SHROOM3: variants seen among roughly 807,000 people sequenced by gnomAD.
The protein encoded by SHROOM3 is protein Shroom3.
Under a neutral mutation model 138.6 loss-of-function variants are expected in SHROOM3, and 47 were observed. The observed-to-expected ratio is 0.34, with a 90% confidence interval of 0.27 to 0.43. SHROOM3 has a LOEUF of 0.43. Among genes scored for constraint, SHROOM3 ranks in the 20% least tolerant of loss-of-function variants. SHROOM3 has a pLI of 1.00. For synonymous variants in SHROOM3, 1,062 were observed against 1,063.3 expected (o/e 1.00, Z 0.02); for missense variants, 2,491 against 2,596.5 (o/e 0.96, Z 0.88).
At chr4:76,639,702 T>C (rs572111607) in intron 2 of SHROOM3, 2 of 398,116 alleles carry the variant, frequency 5.0e-6, no homozygotes, top group Admixed American at 8.8e-5. Context: ...GGTAAAGTTT[T>C]CTGGGGAGAA....
chr4:76,757,943 G>A (rs1233911154), intron 8 of SHROOM3: 1 of 152,154 alleles, frequency 6.6e-6, no homozygotes, highest in Admixed American at 6.5e-5. Context: ...CCAAATTTGG[G>A]ATTGCATTTT....
At chr4:76,764,596 AC>A (rs1198473695) in intron 9 of SHROOM3, among the ~76,000 whole-genome samples, 1 of 151,996 alleles carries the variant, frequency 6.6e-6, no homozygotes, top group Non-Finnish European at 1.5e-5. Flanking sequence ...TTCCACTGTC[AC>A]CCTTGAAGGG....
intron 6 of SHROOM3, among the ~76,000 whole-genome samples, chr4:76,751,959 A>T (rs1028341417): frequency 5.3e-5 from 8 of 152,340 alleles, no homozygotes; most frequent in African/African-American, 1.9e-4. Context: ...ACTTCAGAGT[A>T]TGTGTCCAAA....
intron 1 of SHROOM3, among the ~76,000 whole-genome samples, chr4:76,490,102 G>A (rs1370259220): frequency 6.6e-6 from 1 of 152,158 alleles, no homozygotes; most frequent in Non-Finnish European, 1.5e-5. Flanking sequence ...ATTGGTTACA[G>A]AAAGCCAACC....
At chr4:76,522,868 C>A (rs192061900) in intron 1 of SHROOM3, among the ~76,000 whole-genome samples, 3 of 152,176 alleles carry the variant, frequency 2.0e-5, no homozygotes, top group East Asian at 1.9e-4. Flanking sequence ...ATTAACATAT[C>A]TTTTATATTT....
intron 3 of SHROOM3, among the ~76,000 whole-genome samples, chr4:76,720,151 GTTTTTTTTTTTTTT>G: frequency 1.2e-5 from 1 of 83,016 alleles, no homozygotes; most frequent in South Asian, 5.3e-4. Context: ...TGTTTTTTAG[GTTTTTTTTTTTTTT>G]TTTTTTTTTT....
intron 2 of SHROOM3, among the ~76,000 whole-genome samples, chr4:76,629,674 A>G (rs1320782100): frequency 6.6e-6 from 1 of 152,170 alleles, no homozygotes; most frequent in Non-Finnish European, 1.5e-5. Context: ...GAAGGTCGAA[A>G]CAACAGTATC....
intron 2 of SHROOM3, among the ~76,000 whole-genome samples, chr4:76,673,926 G>A (rs926079217): frequency 1.3e-5 from 2 of 152,186 alleles, no homozygotes; most frequent in African/African-American, 4.8e-5. Context: ...AAGCTAGACT[G>A]CAGTGGCGCA....
intron 2 of SHROOM3, among the ~76,000 whole-genome samples, chr4:76,653,485 A>G (rs758309325): frequency 6.6e-6 from 1 of 151,760 alleles, no homozygotes; most frequent in Non-Finnish European, 1.5e-5. Context: ...GATACATGAC[A>G]TATGGTATGA....
At chr4:76,688,082 C>T (rs1577974226) in intron 2 of SHROOM3, among the ~76,000 whole-genome samples, 1 of 152,228 alleles carries the variant, frequency 6.6e-6, no homozygotes, top group African/African-American at 2.4e-5. Context: ...CTCCCCCAAA[C>T]AAGATTGCCA....
At chr4:76,500,731 G>A (rs1001339064) in intron 1 of SHROOM3, among the ~76,000 whole-genome samples, 9 of 151,976 alleles carry the variant, frequency 5.9e-5, no homozygotes, top group East Asian at 1.9e-4. Context: ...CTTTTCGTGC[G>A]TTCATTGGCC....
intron 2 of SHROOM3, among the ~76,000 whole-genome samples, chr4:76,648,085 T>C (rs1418932032): frequency 6.6e-6 from 1 of 152,038 alleles, no homozygotes; most frequent in East Asian, 1.9e-4. Flanking sequence ...CCCAGCACTT[T>C]GGGAGGCTAA....
chr4:76,524,999 A>T (rs989813342), intron 1 of SHROOM3, among the ~76,000 whole-genome samples: 2 of 152,208 alleles, frequency 1.3e-5, no homozygotes, highest in African/African-American at 4.8e-5. Context: ...TTTTGAAAGA[A>T]ACTACCAAAC....
chr4:76,726,389 G>A (rs1226256884), intron 3 of SHROOM3, among the ~76,000 whole-genome samples: 1 of 151,700 alleles, frequency 6.6e-6, no homozygotes, highest in Non-Finnish European at 1.5e-5. Flanking sequence ...CCTGTGTTTT[G>A]TGACTTGTAA....
At chr4:76,452,109 T>A (rs940605464) in intron 1 of SHROOM3, among the ~76,000 whole-genome samples, 2 of 152,196 alleles carry the variant, frequency 1.3e-5, no homozygotes, top group Non-Finnish European at 2.9e-5. Flanking sequence ...CAAAATTAGG[T>A]CAGATGAATA....
chr4:76,512,870 T>C (rs187856434), intron 1 of SHROOM3, among the ~76,000 whole-genome samples: 3 of 152,320 alleles, frequency 2.0e-5, no homozygotes, highest in East Asian at 3.9e-4. Context: ...AAATGGTTAA[T>C]GTTTTGCTGA....
chr4:76,510,638 G>A (rs931639164), intron 1 of SHROOM3, among the ~76,000 whole-genome samples: 3 of 152,128 alleles, frequency 2.0e-5, no homozygotes, highest in Non-Finnish European at 4.4e-5. Flanking sequence ...ACAATCCCCT[G>A]GAAATGTTTC....
intron 4 of SHROOM3, among the ~76,000 whole-genome samples, chr4:76,736,304 G>A (rs1322007496): frequency 6.6e-6 from 1 of 152,090 alleles, no homozygotes; most frequent in Non-Finnish European, 1.5e-5. Context: ...TGGCTGGCTT[G>A]GGAGCTATTT....
At chr4:76,708,081 G>C (rs1485813007) in intron 2 of SHROOM3, among the ~76,000 whole-genome samples, 1 of 152,194 alleles carries the variant, frequency 6.6e-6, no homozygotes, top group Non-Finnish European at 1.5e-5. Context: ...ACACCCAGTT[G>C]CTAATTTCAG....
Sources: gnomAD v4.1 joint callset for allele counts (sites outside exome capture counted in the v4.1 genomes callset) on GRCh38, gnomAD v4.1.1 for gene constraint, MANE v1.5 for transcripts, NCBI Gene and HGNC (gene_info 2026-07-23, HGNC 2026-07-21) for gene names.